PTPRR: variants seen among roughly 807,000 people sequenced by gnomAD.
PTPRR encodes protein tyrosine phosphatase receptor type R, also known as receptor-type tyrosine-protein phosphatase R.
A neutral mutation model predicts 77.2 loss-of-function variants in PTPRR; 38 were observed. The ratio of observed to expected loss-of-function variants is 0.49; its 90% CI spans 0.38 to 0.65. The LOEUF is 0.65. PTPRR is among the 30% of genes least tolerant of loss of function. PTPRR has a pLI of 0.00. For missense variants in PTPRR, 744 were observed against 799.2 expected, an observed-to-expected ratio of 0.93 and a Z score of 0.83; for synonymous variants, 299 against 283.1, an observed-to-expected ratio of 1.06 and a Z score of -0.57.
chr12:70,880,955 T>A (rs568113021), intron 2 of PTPRR, among the ~76,000 whole-genome samples: 1 of 152,294 alleles, frequency 6.6e-6, no homozygotes, highest in South Asian at 2.1e-4. Context: ...ATAGATGACA[T>A]CATCATTTGT....
chr12:70,710,633 G>A (rs1040612763), intron 6 of PTPRR, among the ~76,000 whole-genome samples: 3 of 152,048 alleles, frequency 2.0e-5, no homozygotes, highest in Non-Finnish European at 4.4e-5. Flanking sequence ...CAGAATGGGG[G>A]AAAATTTTTG....
rs1194012267 is a variant in PTPRR at position 70,897,391 on chromosome 12, A to G, written c.59-4414T>C. ...AAAGAAGACATTTATGCAGCCAAAA[A>G]ACACATGAAAAAATGCTCATCATCA... On this transcript the variant is annotated intron_variant, in intron 1 of 13. Coordinates refer to ENST00000283228, the MANE Select transcript of PTPRR (RefSeq NM_002849.4). Among the ~76,000 whole-genome samples the G allele has an allele frequency of 7.6e-4, 115 of 152,026 alleles. 1 individual carries two copies. In the South Asian group the frequency reaches 0.023, roughly 31 times the overall value.
chr12:70,670,328 A>G (rs377143884), intron 10 of PTPRR, among the ~76,000 whole-genome samples: 4 of 152,144 alleles, frequency 2.6e-5, no homozygotes, highest in African/African-American at 9.7e-5. Flanking sequence ...TTGGCTCCTT[A>G]TAATGTTGGG....
chr12:70,724,199 T>G (rs1457829180), intron 6 of PTPRR, among the ~76,000 whole-genome samples: 2 of 152,202 alleles, frequency 1.3e-5, no homozygotes, highest in African/African-American at 2.4e-5. Flanking sequence ...TGTATATAAA[T>G]TGCAAAATAC....
intron 2 of PTPRR, among the ~76,000 whole-genome samples, chr12:70,783,873 G>C (rs1246158374): frequency 3.0e-5 from 2 of 66,922 alleles, no homozygotes; most frequent in Non-Finnish European, 5.4e-5. Context: ...CGGGGGGGGG[G>C]GGCGGGGGGC....
intron 13 of PTPRR, among the ~76,000 whole-genome samples, chr12:70,653,898 A>G (rs1451484091): frequency 2.0e-5 from 3 of 152,206 alleles, no homozygotes; most frequent in African/African-American, 7.2e-5. Flanking sequence ...TCTAGAGTTT[A>G]CATGCTAACA....
At chr12:70,901,822 G>A (rs1893539762) in intron 1 of PTPRR, among the ~76,000 whole-genome samples, 2 of 151,714 alleles carry the variant, frequency 1.3e-5, no homozygotes, top group South Asian at 4.1e-4. Flanking sequence ...GAATAGCAGA[G>A]TAAACAGATA....
At chr12:70,672,565 C>T (rs1238453863) in intron 10 of PTPRR, 1 of 1,372,474 alleles carries the variant, frequency 7.3e-7, no homozygotes, top group Non-Finnish European at 1.0e-6. Flanking sequence ...CTTCTACCCT[C>T]TGGGCCTTGC....
chr12:70,742,122 G>A (rs1014407603), intron 6 of PTPRR, among the ~76,000 whole-genome samples: 1 of 152,298 alleles, frequency 6.6e-6, no homozygotes. Context: ...GGACATTTTA[G>A]CAGATGACAA....
At position 70,715,512 on chromosome 12, in the gene PTPRR, G is replaced by A. The variant is rs894880146; in HGVS notation, c.1008-14189C>T. Among the ~76,000 whole-genome samples, 5 of 152,150 alleles carry A rather than the reference G, an allele frequency of 3.3e-5. No individual in the cohort carries two copies. The South Asian group carries it at 6.2e-4, about 19-fold the overall frequency. On this transcript the variant is annotated intron_variant, in intron 6 of 13. Coordinates refer to ENST00000283228, the MANE Select transcript of PTPRR (RefSeq NM_002849.4). ...TTTCTTCTTCCCAATAAGCCTGGGA[G>A]CGCTATGCAAGACTGGGGTCTATTT...
chr12:70,828,388 T>C (rs1010982234), intron 2 of PTPRR, among the ~76,000 whole-genome samples: 1 of 152,242 alleles, frequency 6.6e-6, no homozygotes, highest in Non-Finnish European at 1.5e-5. Context: ...CATATAGTTA[T>C]ACTAACTCCT....
At chr12:70,706,852 A>AAT (rs1256744844) in intron 6 of PTPRR, among the ~76,000 whole-genome samples, 24 of 152,142 alleles carry the variant, frequency 1.6e-4, no homozygotes, top group African/African-American at 5.8e-4. Context: ...TGGGAATAAT[A>AAT]ATAAAACTCA....
intron 10 of PTPRR, among the ~76,000 whole-genome samples, chr12:70,663,933 A>T (rs756588711): frequency 6.6e-6 from 1 of 152,248 alleles, no homozygotes; most frequent in African/African-American, 2.4e-5. Context: ...AAAGAGCAGC[A>T]AAAGACTCAC....
chr12:70,692,859 G>T (rs1215071098), intron 8 of PTPRR, among the ~76,000 whole-genome samples: 3 of 152,052 alleles, frequency 2.0e-5, no homozygotes, highest in Non-Finnish European at 4.4e-5. Context: ...TTAAATTTCT[G>T]CCTGCCCTCA....
intron 2 of PTPRR, among the ~76,000 whole-genome samples, chr12:70,810,786 A>T (rs1459127412): frequency 6.6e-5 from 10 of 152,202 alleles, no homozygotes; most frequent in Admixed American, 6.6e-4. Flanking sequence ...TTAACAAAAT[A>T]GCATGATTAT....
chr12:70,845,531 C>T (rs924101264), intron 2 of PTPRR, among the ~76,000 whole-genome samples: 12 of 152,230 alleles, frequency 7.9e-5, no homozygotes, highest in Middle Eastern at 3.4e-3. Context: ...GACTCCTGTA[C>T]GCTTCCAGAA....
intron 7 of PTPRR, 95 bp from the exon 8 acceptor site, chr12:70,698,444 C>T: frequency 9.7e-7 from 1 of 1,031,688 alleles, no homozygotes; most frequent in Non-Finnish European, 1.5e-6. Flanking sequence ...TATTGGACTT[C>T]AAAGCCACTT....
chr12:70,886,310 C>CGATTATATAAGAAGGT (rs1417434678), intron 2 of PTPRR, among the ~76,000 whole-genome samples: 11 of 151,958 alleles, frequency 7.2e-5, no homozygotes, highest in African/African-American at 2.4e-4. Flanking sequence ...GCTAGTCTGG[C>CGATTATATAAGAAGGT]GATTATATAA....
rs1034206081 is a variant in PTPRR at position 70,737,489 on chromosome 12, T to C, written c.1007+8329A>G. Among the ~76,000 whole-genome samples, 3 of 122,886 alleles carry C rather than the reference T, an allele frequency of 2.4e-5. No individual in the cohort carries two copies. The East Asian group carries it at 6.6e-4, about 27-fold the overall frequency. The allele number at this position is 122,886 out of a possible 152,430, so 80.6% of individuals were successfully genotyped here. A position where few individuals can be genotyped will look rare whatever the true frequency, so the allele number is the denominator to read the frequency against. ...CGATTATGGGTCTATTTAATGAATATCTATCTATCTATCTATCTATCTATC... is the reference window on the plus strand; with the variant it reads ...CGATTATGGGTCTATTTAATGAATACCTATCTATCTATCTATCTATCTATC... On this transcript the variant is annotated intron_variant, in intron 6 of 13. Transcript: ENST00000283228.
Sources: allele counts gnomAD v4.1 joint callset (sites outside exome capture counted in the v4.1 genomes callset), GRCh38; gene constraint gnomAD v4.1.1; transcripts MANE v1.5; gene names NCBI Gene and HGNC (gene_info 2026-07-23, HGNC 2026-07-21).